The following CPNE1 variants were observed in gnomAD, a reference collection of about 807,000 sequenced individuals.
CPNE1 encodes copine-1.
CPNE1 carries 58 observed loss-of-function variants against 63.2 expected under a neutral mutation model. The ratio of observed to expected loss-of-function variants is 0.92; its 90% CI spans 0.74 to 1.14. CPNE1 has a LOEUF of 1.14. Ranked by LOEUF, CPNE1 falls within the 50% of genes most tolerant of loss-of-function variation. The pLI is 0.00. For missense variants in CPNE1, 672 were observed against 661.7 expected, an observed-to-expected ratio of 1.02 and a Z score of -0.17; for synonymous variants, 237 against 249.0, an observed-to-expected ratio of 0.95 and a Z score of 0.45.
chr20:35,659,359 C>T (rs1381168232), intron 1 of CPNE1, among the ~76,000 whole-genome samples: 5 of 152,156 alleles, frequency 3.3e-5, no homozygotes, highest in Non-Finnish European at 5.9e-5. Context: ...CAGAAAACTC[C>T]GTAACACAAG....
rs1328972685 is a variant in CPNE1, at chr20:35,640,464, T to C, written c.1-7541A>G. On this transcript the variant is annotated intron_variant, in intron 1 of 15. Transcript: ENST00000397443. ...CATTTGAGTCAATAAAAAAAATTTGTCATTTATTTTTGTGATATTTGTGCA... is the reference window on the plus strand; with the variant it reads ...CATTTGAGTCAATAAAAAAAATTTGCCATTTATTTTTGTGATATTTGTGCA... Among the ~76,000 whole-genome samples, 3 of 152,160 alleles carry C rather than the reference T, an allele frequency of 2.0e-5. No individual in the cohort carries two copies. In the East Asian group the frequency reaches 5.8e-4, roughly 29 times the overall value.
At chr20:35,634,287 A>G (rs1646350071) in intron 1 of CPNE1, among the ~76,000 whole-genome samples, 1 of 148,014 alleles carries the variant, frequency 6.8e-6, no homozygotes, top group Admixed American at 6.7e-5. Flanking sequence ...AAGTGAGGTC[A>G]TATCACGCCT....
intron 1 of CPNE1, among the ~76,000 whole-genome samples, chr20:35,634,260 CAA>C (rs35273568): frequency 3.9e-4 from 33 of 85,448 alleles, no homozygotes; most frequent in Admixed American, 6.9e-4. Flanking sequence ...GACTCTGTCA[CAA>C]AAAAAAAAAA....
intron 1 of CPNE1, among the ~76,000 whole-genome samples, chr20:35,641,644 G>A (rs117209162): frequency 8.5e-5 from 13 of 152,216 alleles, no homozygotes; most frequent in East Asian, 3.9e-4. Context: ...AGCTATTATC[G>A]TTATCCTTCA....
chr20:35,658,794 CA>C (rs2034055334), intron 1 of CPNE1: 1 of 539,534 alleles, frequency 1.9e-6, no homozygotes, highest in Non-Finnish European at 3.2e-6. Flanking sequence ...AAAAAACAAG[CA>C]AACAAAAACA....
chr20:35,652,449 A>G, intron 1 of CPNE1: 2 of 1,490,764 alleles, frequency 1.3e-6, no homozygotes, highest in Non-Finnish European at 1.8e-6. Flanking sequence ...CTAACCTGGA[A>G]ATACTAGGAA....
chr20:35,645,022 T>C (rs1353077546), intron 1 of CPNE1, among the ~76,000 whole-genome samples: 3 of 152,228 alleles, frequency 2.0e-5, no homozygotes, highest in Non-Finnish European at 4.4e-5. Flanking sequence ...ATTCTTTTAA[T>C]GTCTATCACC....
At chr20:35,654,500 T>A in intron 1 of CPNE1, 6 of 1,614,100 alleles carry the variant, frequency 3.7e-6, no homozygotes, top group Non-Finnish European at 5.1e-6. Flanking sequence ...CCAAGAAACA[T>A]AGGATTCAGA....
chr20:35,626,850 C>A, intron 14 of CPNE1, 47 bp from the exon 15 acceptor site: 1 of 1,455,142 alleles, frequency 6.9e-7, no homozygotes, highest in East Asian at 2.3e-5. Flanking sequence ...TCCTCCTAAA[C>A]CCCTGCAAAC....
intron 1 of CPNE1, among the ~76,000 whole-genome samples, chr20:35,657,728 C>T (rs909121756): frequency 1.3e-5 from 2 of 152,164 alleles, no homozygotes; most frequent in African/African-American, 4.8e-5. Context: ...ATAAAGCCAT[C>T]TGATGAGAAA....
At chr20:35,660,771 G>GT (rs1479124378) in intron 1 of CPNE1, among the ~76,000 whole-genome samples, 1 of 152,160 alleles carries the variant, frequency 6.6e-6, no homozygotes, top group Non-Finnish European at 1.5e-5. Flanking sequence ...AAAAGGTCAG[G>GT]TATGGGGCCA....
At chr20:35,639,200 C>A (rs1437632831) in intron 1 of CPNE1, among the ~76,000 whole-genome samples, 1 of 151,716 alleles carries the variant, frequency 6.6e-6, no homozygotes, top group Non-Finnish European at 1.5e-5. Context: ...TTGAAATCCA[C>A]CAAAAAATAA....
intron 13 of CPNE1, among the ~76,000 whole-genome samples, chr20:35,628,904 G>A (rs1030913282): frequency 6.6e-6 from 1 of 152,210 alleles, no homozygotes; most frequent in Non-Finnish European, 1.5e-5. Flanking sequence ...AAAAAGCCAG[G>A]TGGATAATGA....
chr20:35,645,162 T>C (rs1014192568), intron 1 of CPNE1, among the ~76,000 whole-genome samples: 1 of 152,008 alleles, frequency 6.6e-6, no homozygotes, highest in East Asian at 1.9e-4. Flanking sequence ...CAAAATGAGA[T>C]GAGTAAATGA....
At chr20:35,663,746 A>C (rs552823003) in intron 1 of CPNE1, among the ~76,000 whole-genome samples, 4 of 152,174 alleles carry the variant, frequency 2.6e-5, no homozygotes, top group Non-Finnish European at 5.9e-5. Context: ...AGGCACACAA[A>C]AAGCCCGTAC....
intron 1 of CPNE1, among the ~76,000 whole-genome samples, chr20:35,660,394 T>C (rs956356424): frequency 1.3e-4 from 20 of 152,126 alleles, no homozygotes; most frequent in South Asian, 4.1e-4. Context: ...TTTTTGTATT[T>C]TTAGTAGAGA....
In CPNE1 at chr20:35,632,873, G is replaced by A. The variant is rs200733763; in HGVS notation, c.51C>T (p.Leu17=). 7 of 872,952 alleles carry A rather than the reference G, an allele frequency of 8.0e-6. No individual in the cohort carries two copies. In the South Asian group the frequency reaches 9.1e-5, roughly 11 times the overall value. 54.1% of individuals were successfully genotyped at this position (872,952 alleles called of 1,614,324 possible). A position where few individuals can be genotyped will look rare whatever the true frequency, so the allele number is the denominator to read the frequency against. ...LVQLSISCDH[L]IDKDIGSKSD... ...ACTTGGAGCCGATGTCCTTGTCAAT[G>A]AGATGGTCACAGGAAATGGACAGCT... Residue 17 remains leucine, a synonymous_variant, in exon 2 of 16, where the codon CTC becomes CTT. Coordinates refer to ENST00000397443, the MANE Select transcript of CPNE1 (RefSeq NM_152925.3).
intron 1 of CPNE1, among the ~76,000 whole-genome samples, chr20:35,638,469 C>T (rs1337499429): frequency 6.6e-6 from 1 of 152,162 alleles, no homozygotes; most frequent in African/African-American, 2.4e-5. Flanking sequence ...TACATACCCA[C>T]CACAATGGCT....
rs1601423085 is a variant in CPNE1 at position 35,631,839 on chromosome 20, C to T, written c.538-62G>A. 1.9e-6 allele frequency: 3 copies of T among 1,545,246 alleles called. No individual in the cohort carries two copies. The African/African-American group carries it at 4.1e-5, about 21-fold the overall frequency. ...CATGGCCCCCTGAGGAGCTGCCACA[C>T]TTCTCTACCCACCTGCAGTCTCTTT... On this transcript the variant is annotated intron_variant, in intron 6 of 15. Transcript: ENST00000397443.
Sources: allele counts gnomAD v4.1 joint callset (sites outside exome capture counted in the v4.1 genomes callset), GRCh38; gene constraint gnomAD v4.1.1; transcripts MANE v1.5; gene names NCBI Gene and HGNC (gene_info 2026-07-23, HGNC 2026-07-21).